CENPQ: variants seen among roughly 807,000 people sequenced by gnomAD.
CENPQ encodes the protein centromere protein Q.
CENPQ carries 27 observed loss-of-function variants against 36.6 expected under a neutral mutation model. The ratio of observed to expected loss-of-function variants is 0.74; its 90% CI spans 0.54 to 1.02. The LOEUF is 1.02. Among genes scored for constraint, CENPQ ranks in the 50% least tolerant of loss-of-function variants. CENPQ has a pLI of 0.00. For synonymous variants in CENPQ, 101 were observed against 101.7 expected (o/e 0.99, Z 0.04); for missense variants, 306 against 301.8 (o/e 1.01, Z -0.10).
chr6:49,470,662 C>G (rs1768109876), intron 2 of CENPQ, among the ~76,000 whole-genome samples: 1 of 150,974 alleles, frequency 6.6e-6, no homozygotes, highest in Non-Finnish European at 1.5e-5. Flanking sequence ...AGGTTTTACC[C>G]TACTCATTAG....
At chr6:49,465,370 T>G (rs1055995153) in intron 1 of CENPQ, among the ~76,000 whole-genome samples, 2 of 152,204 alleles carry the variant, frequency 1.3e-5, no homozygotes, top group Admixed American at 6.5e-5. Flanking sequence ...TTCAGAATGG[T>G]CAATGAGCAT....
intron 5 of CENPQ, among the ~76,000 whole-genome samples, chr6:49,476,156 C>T (rs562344039): frequency 1.3e-4 from 20 of 152,166 alleles, no homozygotes; most frequent in Non-Finnish European, 2.6e-4. Flanking sequence ...AGGCATCACA[C>T]TACCTGACTT....
At chr6:49,468,483 A>G (rs896726868) in intron 1 of CENPQ, among the ~76,000 whole-genome samples, 1 of 151,970 alleles carries the variant, frequency 6.6e-6, no homozygotes, top group South Asian at 2.1e-4. Flanking sequence ...AGTCCCAGCT[A>G]CTTGGAAGGC....
chr6:49,486,846 G>C (rs1768593747), intron 6 of CENPQ, among the ~76,000 whole-genome samples: 1 of 151,874 alleles, frequency 6.6e-6, no homozygotes, highest in African/African-American at 2.4e-5. Context: ...GGAGTTAAAG[G>C]TGTGACAGGA....
intron 6 of CENPQ, among the ~76,000 whole-genome samples, chr6:49,486,586 A>G (rs1768584685): frequency 6.6e-6 from 1 of 152,206 alleles, no homozygotes; most frequent in Admixed American, 6.5e-5. Context: ...TCAACCAGTC[A>G]CAACCAGTTT....
At chr6:49,486,288 C>T (rs1768576988) in intron 6 of CENPQ, among the ~76,000 whole-genome samples, 1 of 152,168 alleles carries the variant, frequency 6.6e-6, no homozygotes, top group South Asian at 2.1e-4. Flanking sequence ...TACTTCTGTC[C>T]TCCAGAACCA....
At chr6:49,481,303 A>G (rs1395996425) in intron 6 of CENPQ, among the ~76,000 whole-genome samples, 1 of 152,096 alleles carries the variant, frequency 6.6e-6, no homozygotes, top group Non-Finnish European at 1.5e-5. Context: ...GTGGTTAAGT[A>G]GTGTGTCCGG....
At chr6:49,472,749 G>C in intron 4 of CENPQ, 41 bp from the exon 5 acceptor site, 5 of 1,375,476 alleles carry the variant, frequency 3.6e-6, no homozygotes, top group Non-Finnish European at 4.8e-6. Context: ...TATGATTTGT[G>C]CATCAGACTA....
chr6:49,481,084 T>C lies in CENPQ; in HGVS notation c.477+4T>C, dbSNP rs748777598. 5 of 1,590,074 alleles carry C rather than the reference T, an allele frequency of 3.1e-6. No individual in the cohort carries two copies. Among genetic ancestry groups the C allele is most frequent in the Non-Finnish European group, 4.3e-6 (5 of 1,172,954 alleles). On this transcript the variant is annotated splice_donor_region_variant and intron_variant, in intron 6 of 8. Transcript: ENST00000335783. ...AGAAGGTCTGGCATTACTACAGGTA[T>C]GAAATTTGAATAGGGAATCCATAAT...
intron 6 of CENPQ, among the ~76,000 whole-genome samples, chr6:49,481,984 G>C (rs867758102): frequency 1.3e-5 from 2 of 152,190 alleles, no homozygotes; most frequent in Middle Eastern, 3.2e-3. Context: ...AGGCAGCTAA[G>C]GCCCGGCGAC....
chr6:49,471,694 TC>T (rs1280575695), intron 3 of CENPQ, among the ~76,000 whole-genome samples: 3 of 152,188 alleles, frequency 2.0e-5, no homozygotes, highest in Non-Finnish European at 4.4e-5. Context: ...GTTTGATTAG[TC>T]TGTTTTGTTC....
At chr6:49,483,422 ACTC>A (rs1169314555) in intron 6 of CENPQ, among the ~76,000 whole-genome samples, 1 of 151,832 alleles carries the variant, frequency 6.6e-6, no homozygotes, top group African/African-American at 2.4e-5. Context: ...GTGCGCCCGC[ACTC>A]CTCAGCCCTT....
At chr6:49,484,342 A>G (rs879936300) in intron 6 of CENPQ, among the ~76,000 whole-genome samples, 3 of 152,262 alleles carry the variant, frequency 2.0e-5, no homozygotes, top group Non-Finnish European at 4.4e-5. Flanking sequence ...ACAGTAGCAC[A>G]TGATTCTTGA....
chr6:49,483,402 G>A (rs1256852131), intron 6 of CENPQ, among the ~76,000 whole-genome samples: 3 of 152,206 alleles, frequency 2.0e-5, no homozygotes, highest in Admixed American at 6.5e-5. Context: ...CTGCCTGCCA[G>A]TCCTGTGCTG....
Position 49,482,679 on chromosome 6 carries a change from C to T in CENPQ, c.477+1599C>T, listed in dbSNP as rs192268026. 3.0e-3 allele frequency among the ~76,000 whole-genome samples: 453 copies of T among 152,136 alleles called. 1 individual carries two copies. The highest frequency in any genetic ancestry group is 6.9e-3 in the African/African-American group (286 of 41,506). On this transcript the variant is annotated intron_variant, in intron 6 of 8. Transcript: ENST00000335783. ...GCTCGGCGATTGGCGATGGTCTCAC[C>T]GCTCGGCGATTGTCTCACCGCTTGG... is the stretch of plus-strand genomic sequence containing the variant.
At chr6:49,491,111 G>A (rs898149724) in intron 8 of CENPQ, among the ~76,000 whole-genome samples, 2 of 152,212 alleles carry the variant, frequency 1.3e-5, no homozygotes, top group East Asian at 1.9e-4. Context: ...CTGGGAACAC[G>A]GTAAAATGAG....
At position 49,471,011 on chromosome 6, in the gene CENPQ, A is replaced by G. The variant is rs1160548333; in HGVS notation, c.140A>G (p.Lys47Arg). ...NTVKKNKNHL[K>R]DLSSEGQTKH... ...GTGAAAAAAAATAAAAATCATCTGA[A>G]AGATCTGTCTTCTGAAGGTATTTCT... is the stretch of plus-strand genomic sequence containing the variant. Residue 47 changes from lysine to arginine, a missense_variant, in exon 3 of 9, where the codon AAA becomes AGA. Coordinates refer to ENST00000335783, the MANE Select transcript of CENPQ (RefSeq NM_018132.4). 2 of 1,529,824 alleles carry G rather than the reference A, an allele frequency of 1.3e-6. No individual in the cohort carries two copies. Among genetic ancestry groups the G allele is most frequent in the Admixed American group, 1.8e-5 (1 of 54,326 alleles). 94.8% of individuals were successfully genotyped at this position (1,529,824 alleles called of 1,614,324 possible).
chr6:49,477,506 G>A (rs1267699185), intron 5 of CENPQ, among the ~76,000 whole-genome samples: 1 of 150,914 alleles, frequency 6.6e-6, no homozygotes, highest in Non-Finnish European at 1.5e-5. Context: ...CATGGCACAT[G>A]TATACATATG....
rs186507532 is a variant in CENPQ, at chr6:49,468,086, A to G, written c.-18-2073A>G. Among the ~76,000 whole-genome samples the G allele has an allele frequency of 8.0e-3, 1,218 of 152,324 alleles. 8 individuals are homozygous for G. Among genetic ancestry groups the G allele is most frequent in the Non-Finnish European group, 0.012 (800 of 68,028 alleles). ...CGTATTGGGGTAAATTTTTTACTCA[A>G]TTAATTTGTTCCAAAATTTGGGATT... On this transcript the variant is annotated intron_variant, in intron 1 of 8. Transcript: ENST00000335783.
Sources: allele counts gnomAD v4.1 joint callset (sites outside exome capture counted in the v4.1 genomes callset), GRCh38; gene constraint gnomAD v4.1.1; transcripts MANE v1.5; gene names NCBI Gene and HGNC (gene_info 2026-07-23, HGNC 2026-07-21).